RBM27: variants seen among roughly 807,000 people sequenced by gnomAD.
RBM27 encodes the protein RNA binding motif protein 27.
RBM27 carries 22 observed loss-of-function variants against 135.3 expected under a neutral mutation model. The observed-to-expected ratio is 0.16, with a 90% CI of 0.12 to 0.23. RBM27 has a LOEUF of 0.23. Ranked by LOEUF, RBM27 falls within the 10% of genes least tolerant of loss-of-function variation. The probability of loss-of-function intolerance (pLI) is 1.00; values close to 1 mark genes in which losing one functional copy is unlikely to be tolerated. For missense variants in RBM27, 1,009 were observed against 1,281.0 expected (o/e 0.79, Z 3.24); for synonymous variants, 481 against 442.4 (o/e 1.09, Z -1.10).
chr5:146,286,948 C>T lies in RBM27; in HGVS notation c.*918C>T, dbSNP rs1483686896. 1 of 152,354 alleles carries T rather than the reference C, an allele frequency of 6.6e-6. No individual in the cohort carries two copies. The highest frequency in any genetic ancestry group is 2.4e-5 in the African/African-American group (1 of 41,314). The allele number at this position is 152,354 out of a possible 1,614,324, so 9.4% of individuals were successfully genotyped here. On this transcript the variant is annotated 3_prime_UTR_variant, in exon 21 of 21. Coordinates refer to ENST00000265271, the MANE Select transcript of RBM27 (RefSeq NM_018989.2). ...CTCCAATAAAAGGTTCAAACCAGCA[C>T]CTGGATAAATAAGTGATGTTTTGAT...
At chr5:146,247,024 TG>T (rs1757655046) in intron 8 of RBM27, among the ~76,000 whole-genome samples, 1 of 151,974 alleles carries the variant, frequency 6.6e-6, no homozygotes, top group Admixed American at 6.6e-5. Context: ...CCACCATACC[TG>T]GCTGATTTTT....
At chr5:146,258,316 C>A in intron 10 of RBM27, 133 bp from the exon 11 acceptor site, 1 of 614,828 alleles carries the variant, frequency 1.6e-6, no homozygotes, top group Admixed American at 4.1e-5. Context: ...GTAACTTTTT[C>A]TTCTGTTAGG....
chr5:146,215,088 C>T lies in RBM27; in HGVS notation c.60-3897C>T, dbSNP rs112388137. Among the ~76,000 whole-genome samples, 429 of 152,204 alleles carry T rather than the reference C, an allele frequency of 2.8e-3. 2 individuals are homozygous for T. Among genetic ancestry groups the T allele is most frequent in the African/African-American group, 9.4e-3 (392 of 41,520 alleles). ...TTTTTGAGACTGAGTCGCGCTCTAT[C>T]GCCCAGGCTGGAGTGCACTGGCGTG... On this transcript the variant is annotated intron_variant, in intron 1 of 20. Transcript: ENST00000265271.
At chr5:146,262,643 A>G (rs947323499) in intron 13 of RBM27, among the ~76,000 whole-genome samples, 3 of 152,204 alleles carry the variant, frequency 2.0e-5, no homozygotes, top group African/African-American at 7.2e-5. Context: ...GCTCATTTGC[A>G]TCTAAATTCT....
intron 6 of RBM27, among the ~76,000 whole-genome samples, chr5:146,232,447 T>C (rs915171550): frequency 1.3e-5 from 2 of 152,236 alleles, no homozygotes; most frequent in Non-Finnish European, 2.9e-5. Flanking sequence ...TTAACATAAA[T>C]ACTAGTATGC....
chr5:146,253,927 A>T (rs1758000492), intron 9 of RBM27, among the ~76,000 whole-genome samples: 1 of 152,132 alleles, frequency 6.6e-6, no homozygotes, highest in Non-Finnish European at 1.5e-5. Flanking sequence ...CTATACTGTA[A>T]ATCATAGAAG....
intron 1 of RBM27, among the ~76,000 whole-genome samples, chr5:146,209,223 A>C (rs983079490): frequency 9.2e-5 from 14 of 152,222 alleles, no homozygotes; most frequent in Non-Finnish European, 2.1e-4. Flanking sequence ...ATGAAAATAC[A>C]TGAAACTTTC....
At chr5:146,213,335 C>G (rs1756050303) in intron 1 of RBM27, among the ~76,000 whole-genome samples, 1 of 152,256 alleles carries the variant, frequency 6.6e-6, no homozygotes, top group African/African-American at 2.4e-5. Flanking sequence ...CTCCTGACCT[C>G]AGGTGATCCA....
intron 6 of RBM27, among the ~76,000 whole-genome samples, chr5:146,231,294 A>T (rs1288481693): frequency 1.3e-5 from 2 of 152,092 alleles, no homozygotes; most frequent in African/African-American, 4.8e-5. Context: ...TAGTAGAGAC[A>T]GGGTTTCACC....
intron 8 of RBM27, among the ~76,000 whole-genome samples, chr5:146,245,990 C>G (rs1757608271): frequency 6.6e-6 from 1 of 152,128 alleles, no homozygotes; most frequent in Admixed American, 6.6e-5. Context: ...GTGACATTGT[C>G]TATTTCAACA....
At chr5:146,250,595 A>G (rs1561548331) in intron 8 of RBM27, among the ~76,000 whole-genome samples, 1 of 151,898 alleles carries the variant, frequency 6.6e-6, no homozygotes, top group Non-Finnish European at 1.5e-5. Flanking sequence ...GCTCCTTGAT[A>G]CCTTATCTTT....
At chr5:146,223,328 A>G (rs1581154236) in intron 2 of RBM27, 75 bp from the exon 3 acceptor site, 1 of 1,390,944 alleles carries the variant, frequency 7.2e-7, no homozygotes, top group East Asian at 2.4e-5. Context: ...TGTTTTCCTG[A>G]GCTTTGCTGA....
chr5:146,242,042 A>G (rs1008261518), intron 8 of RBM27, among the ~76,000 whole-genome samples: 9 of 151,752 alleles, frequency 5.9e-5, no homozygotes, highest in African/African-American at 2.2e-4. Flanking sequence ...CTCCTGCCTC[A>G]GCTTCCCGAA....
chr5:146,231,176 T>C (rs539777102), intron 6 of RBM27, among the ~76,000 whole-genome samples: 6 of 152,178 alleles, frequency 3.9e-5, no homozygotes, highest in South Asian at 2.1e-4. Flanking sequence ...CACCAACTCA[T>C]GGGGAATGTT....
intron 8 of RBM27, among the ~76,000 whole-genome samples, chr5:146,247,157 C>T (rs967113487): frequency 2.6e-5 from 4 of 152,120 alleles, no homozygotes; most frequent in Non-Finnish European, 5.9e-5. Context: ...AGCCATCACA[C>T]CTGGCCTTAG....
At chr5:146,285,462 G>A (rs1262256591) in intron 20 of RBM27, among the ~76,000 whole-genome samples, 1 of 152,048 alleles carries the variant, frequency 6.6e-6, no homozygotes, top group African/African-American at 2.4e-5. Context: ...GGTAGTGTTT[G>A]CAGATACATC....
intron 9 of RBM27, among the ~76,000 whole-genome samples, chr5:146,252,704 A>G (rs1757948280): frequency 6.6e-6 from 1 of 152,310 alleles, no homozygotes; most frequent in African/African-American, 2.4e-5. Context: ...GTTACTTTAC[A>G]TATCATTTTC....
chr5:146,260,669 A>G, intron 11 of RBM27, 76 bp from the exon 12 acceptor site: 1 of 1,309,008 alleles, frequency 7.6e-7, no homozygotes, highest in South Asian at 1.7e-5. Flanking sequence ...TTATAAACCT[A>G]AATTCTTTGT....
intron 19 of RBM27, among the ~76,000 whole-genome samples, chr5:146,276,927 G>T (rs1048026974): frequency 1.3e-5 from 2 of 152,144 alleles, no homozygotes; most frequent in African/African-American, 4.8e-5. Context: ...GGTAATATGG[G>T]TGATTTGTGA....
Sources: allele counts gnomAD v4.1 joint callset (sites outside exome capture counted in the v4.1 genomes callset), GRCh38; gene constraint gnomAD v4.1.1; transcripts MANE v1.5; gene names NCBI Gene and HGNC (gene_info 2026-07-23, HGNC 2026-07-21).